Variants in NGEF observed in about 807,000 individuals in gnomAD.
NGEF encodes the protein neuronal guanine nucleotide exchange factor.
A neutral mutation model predicts 80.9 loss-of-function variants in NGEF; 31 were observed. That is an observed-to-expected ratio of 0.38 (90% CI 0.29 to 0.52). The LOEUF (loss-of-function observed/expected upper bound fraction) is 0.52. Among genes scored for constraint, NGEF ranks in the 20% least tolerant of loss-of-function variants. The pLI is 0.84. For synonymous variants in NGEF, 371 were observed against 370.2 expected (o/e 1.00, Z -0.03); for missense variants, 709 against 926.2 (o/e 0.77, Z 3.04).
chr2:233,002,424 TC>T (rs1447112071), intron 1 of NGEF, among the ~76,000 whole-genome samples: 2 of 152,124 alleles, frequency 1.3e-5, no homozygotes, highest in Non-Finnish European at 2.9e-5. Context: ...ATGCCTGTAA[TC>T]CCAGCACTTT....
At chr2:232,934,690 G>A (rs6437075) in intron 3 of NGEF, among the ~76,000 whole-genome samples, 21,301 of 152,092 alleles carry the variant, frequency 0.14, 1,593 homozygotes, top group East Asian at 0.17. Context: ...TGACTAGCAC[G>A]TAGTAGGTGC....
At chr2:232,985,734 CAG>C (rs1694519621) in intron 1 of NGEF, among the ~76,000 whole-genome samples, 1 of 152,014 alleles carries the variant, frequency 6.6e-6, no homozygotes, top group Non-Finnish European at 1.5e-5. Context: ...GCCTAGGCGA[CAG>C]AGACACTCTG....
intron 3 of NGEF, among the ~76,000 whole-genome samples, chr2:232,948,662 G>A (rs1693612048): frequency 1.3e-5 from 2 of 152,138 alleles, no homozygotes; most frequent in Non-Finnish European, 2.9e-5. Flanking sequence ...TTTTTAAAAA[G>A]TTGGAGGTAA....
At chr2:233,011,769 C>T (rs1400122006) in intron 1 of NGEF, among the ~76,000 whole-genome samples, 1 of 152,136 alleles carries the variant, frequency 6.6e-6, no homozygotes, top group African/African-American at 2.4e-5. Context: ...CATCTTCCCC[C>T]ATGTCTAGCC....
intron 5 of NGEF, 125 bp downstream of exon 5, chr2:232,920,159 C>T: frequency 1.1e-6 from 1 of 886,090 alleles, no homozygotes; most frequent in Non-Finnish European, 1.7e-6. Context: ...AGATGGACAA[C>T]CCTGCCAGCG....
chr2:232,948,422 T>C (rs1057083457), intron 3 of NGEF, among the ~76,000 whole-genome samples: 5 of 152,132 alleles, frequency 3.3e-5, no homozygotes, highest in Admixed American at 1.3e-4. Flanking sequence ...TGTGGTTATA[T>C]AGAAGGATGT....
In NGEF at chr2:232,881,210, C is replaced by T. The variant is rs1027210078; in HGVS notation, c.1878G>A (p.Gln626=). 1 of 1,610,906 alleles carries T rather than the reference C, an allele frequency of 6.2e-7. No homozygotes were observed. Among genetic ancestry groups the T allele is most frequent in the Non-Finnish European group, 8.5e-7 (1 of 1,179,992 alleles). The stretch of plus-strand genomic sequence containing the variant: ...GCTCCAGCGTCAGCTCGTCTGGCTG[C>T]TGAGCCACGTATGGGTGCACGCACT... The part of the protein sequence containing the change: ...QVQCVHPYVA[Q]QPDELTLELA... Residue 626 remains glutamine, a synonymous_variant, in exon 14 of 15, where the codon CAG becomes CAA. Coordinates refer to ENST00000264051, the MANE Select transcript of NGEF (RefSeq NM_019850.3).
chr2:232,906,351 G>A (rs61361000), intron 5 of NGEF, among the ~76,000 whole-genome samples: 2 of 74,638 alleles, frequency 2.7e-5, no homozygotes, highest in East Asian at 4.2e-4. Flanking sequence ...AGGTGGGGGG[G>A]GTCAGCCCCC....
chr2:232,943,717 A>G (rs28379337), intron 3 of NGEF, among the ~76,000 whole-genome samples: 10,007 of 148,048 alleles, frequency 0.068, 591 homozygotes, highest in African/African-American at 0.16. Context: ...GGTTGGTCTC[A>G]ATCTCCTGAC....
At chr2:232,918,965 T>A (rs144577779) in intron 5 of NGEF, among the ~76,000 whole-genome samples, 142 of 152,284 alleles carry the variant, frequency 9.3e-4, no homozygotes, top group African/African-American at 3.4e-3. Flanking sequence ...TATTAAAAAA[T>A]AAATCAATGT....
chr2:232,960,471 A>C (rs891825162), intron 3 of NGEF, among the ~76,000 whole-genome samples: 1 of 151,954 alleles, frequency 6.6e-6, no homozygotes, highest in Non-Finnish European at 1.5e-5. Context: ...CCCTGGCCAT[A>C]CCTCACAGGC....
intron 1 of NGEF, among the ~76,000 whole-genome samples, chr2:232,979,037 C>A (rs529401570): frequency 1.2e-4 from 18 of 152,288 alleles, no homozygotes; most frequent in Admixed American, 2.0e-4. Flanking sequence ...AGGGATGCAA[C>A]GACGCCCACA....
Position 232,879,566 on chromosome 2 carries a change from G to A in NGEF, c.2056C>T (p.Arg686Cys). The A allele has an allele frequency of 3.7e-6, 6 of 1,613,916 alleles. No homozygotes were observed. Among genetic ancestry groups the A allele is most frequent in the Non-Finnish European group, 5.1e-6 (6 of 1,179,982 alleles). The change falls in exon 15 of 15, where the codon CGT becomes TGT. Residue 686 changes from arginine (R) to cysteine (C), a missense_variant. Transcript: ENST00000264051. ...IRSQNLKECF[R>C]VHKMDDPQRS... ...TGAGGGTCATCCATCTTGTGGACAC[G>A]GAAACATTCCTTGAGGTTCTGGGAC... is the stretch of plus-strand genomic sequence containing the variant.
chr2:232,896,323 C>T (rs1692057715), intron 5 of NGEF, among the ~76,000 whole-genome samples: 1 of 152,118 alleles, frequency 6.6e-6, no homozygotes, highest in African/African-American at 2.4e-5. Context: ...ACAGAGAAGG[C>T]ACAGACAGAG....
chr2:232,891,047 G>A, intron 8 of NGEF: 1 of 512,312 alleles, frequency 2.0e-6, no homozygotes, highest in South Asian at 1.5e-5. Context: ...CACGTCACGT[G>A]TCTTTCCTGA....
intron 1 of NGEF, among the ~76,000 whole-genome samples, chr2:233,005,073 C>T (rs930165483): frequency 6.6e-6 from 1 of 152,228 alleles, no homozygotes; most frequent in Non-Finnish European, 1.5e-5. Flanking sequence ...TATCACAGCA[C>T]ACTTTCCCTT....
At chr2:232,976,105 G>A (rs1369151406) in intron 1 of NGEF, among the ~76,000 whole-genome samples, 1 of 152,126 alleles carries the variant, frequency 6.6e-6, no homozygotes, top group Admixed American at 6.5e-5. Flanking sequence ...GGAGGCTGAG[G>A]CAGGAGAATC....
chr2:233,012,541 C>T (rs747821492), intron 1 of NGEF: 6 of 250,342 alleles, frequency 2.4e-5, no homozygotes, highest in Non-Finnish European at 4.7e-5. Context: ...AAGTGCACTT[C>T]CTGACCCTGA....
intron 4 of NGEF, among the ~76,000 whole-genome samples, chr2:232,924,512 G>A (rs1693018248): frequency 6.6e-6 from 1 of 152,076 alleles, no homozygotes; most frequent in East Asian, 1.9e-4. Flanking sequence ...GAGAGTAAGG[G>A]CACATCTTCT....
Sources: gnomAD v4.1 joint callset for allele counts (sites outside exome capture counted in the v4.1 genomes callset) on GRCh38, gnomAD v4.1.1 for gene constraint, MANE v1.5 for transcripts, NCBI Gene and HGNC (gene_info 2026-07-23, HGNC 2026-07-21) for gene names.